Variants in MDN1 observed in about 807,000 individuals in gnomAD.
MDN1 encodes midasin AAA ATPase 1.
A neutral mutation model predicts 669.2 loss-of-function variants in MDN1; 266 were observed. The observed-to-expected ratio is 0.40, with a 90% confidence interval of 0.36 to 0.44. The LOEUF (loss-of-function observed/expected upper bound fraction) is 0.44. Ranked by LOEUF, MDN1 falls within the 20% of genes least tolerant of loss-of-function variation. MDN1 has a pLI of 1.00. For missense variants in MDN1, 5,940 were observed against 6,754.0 expected, an observed-to-expected ratio of 0.88 and a Z score of 4.22; for synonymous variants, 2,385 against 2,457.1, an observed-to-expected ratio of 0.97 and a Z score of 0.87.
chr6:89,653,926 G>C (rs1809064173), intron 93 of MDN1, among the ~76,000 whole-genome samples: 1 of 152,066 alleles, frequency 6.6e-6, no homozygotes, highest in Admixed American at 6.5e-5. Context: ...ATGAGATTTT[G>C]CCAGAAATTC....
rs780315645 is a variant in MDN1, at chr6:89,658,929, C to A, written c.14714-12G>T. 6.4e-6 allele frequency: 10 copies of A among 1,574,626 alleles called. No homozygotes were observed. Among genetic ancestry groups the A allele is most frequent in the South Asian group, 4.7e-5 (4 of 85,280 alleles). ...CAAAGGATTCTCTTCTGTATAGATACAACAAAAAGGAGGAGTGCAGAATTT... is the reference window on the plus strand; with the variant it reads ...CAAAGGATTCTCTTCTGTATAGATAAAACAAAAAGGAGGAGTGCAGAATTT... On this transcript the variant is annotated splice_polypyrimidine_tract_variant and intron_variant, in intron 88 of 101. Coordinates refer to ENST00000369393, the MANE Select transcript of MDN1 (RefSeq NM_014611.3).
intron 1 of MDN1, among the ~76,000 whole-genome samples, chr6:89,817,472 T>C (rs1245777034): frequency 5.3e-5 from 8 of 152,260 alleles, no homozygotes; most frequent in Admixed American, 5.2e-4. Flanking sequence ...AATCAGTTAG[T>C]TGAAACAAAG....
Position 89,662,107 on chromosome 6 carries a change from T to C in MDN1, c.14545A>G (p.Ile4849Val). 1.2e-6 allele frequency: 2 copies of C among 1,612,184 alleles called. No homozygotes were observed. Among genetic ancestry groups the C allele is most frequent in the South Asian group, 2.2e-5 (2 of 90,506 alleles). The change falls in exon 87 of 102, where the codon ATT becomes GTT. Residue 4849 changes from isoleucine to valine, a missense_variant. Transcript: ENST00000369393. ...ADDGGQGEDK[I>V]NEQIDERDYD... is the part of the protein sequence containing the mutation. Reference sequence around the variant, plus strand: ...ATTACCTCATCTATTTGTTCATTAATTTTGTCTTCACCTTGTCCACCATCA... The same window carrying C: ...ATTACCTCATCTATTTGTTCATTAACTTTGTCTTCACCTTGTCCACCATCA...
chr6:89,650,615 G>A, intron 96 of MDN1, 117 bp downstream of exon 96: 1 of 748,244 alleles, frequency 1.3e-6, no homozygotes, highest in South Asian at 1.8e-5. Flanking sequence ...TGCCTGTACG[G>A]CACAAGCGGC....
At chr6:89,645,677 C>CA (rs1808447992) in intron 100 of MDN1, among the ~76,000 whole-genome samples, 2 of 152,002 alleles carry the variant, frequency 1.3e-5, no homozygotes, top group Non-Finnish European at 2.9e-5. Context: ...CTTGTTTAAA[C>CA]AAAAACAAAT....
intron 26 of MDN1, among the ~76,000 whole-genome samples, chr6:89,749,002 T>C (rs551259422): frequency 6.6e-6 from 1 of 152,048 alleles, no homozygotes; most frequent in Non-Finnish European, 1.5e-5. Context: ...AGGTCAAGGC[T>C]GCAATGAGCT....
At chr6:89,758,163 G>C in intron 19 of MDN1, 92 bp downstream of exon 19, 1 of 990,692 alleles carries the variant, frequency 1.0e-6, no homozygotes, top group Non-Finnish European at 1.5e-6. Flanking sequence ...GGGACTTGCA[G>C]TGAGCCAAGA....
Position 89,715,789 on chromosome 6 carries a change from A to C in MDN1, c.6744-20T>G. 2.0e-6 allele frequency: 3 copies of C among 1,500,662 alleles called. No homozygotes were observed. The highest frequency in any genetic ancestry group is 1.9e-6 in the Non-Finnish European group (2 of 1,076,700). The allele number at this position is 1,500,662 out of a possible 1,614,324, so 93.0% of individuals were successfully genotyped here. A position where few individuals can be genotyped will look rare whatever the true frequency, so the allele number is the denominator to read the frequency against. On this transcript the variant is annotated intron_variant, in intron 44 of 101. Coordinates refer to ENST00000369393, the MANE Select transcript of MDN1 (RefSeq NM_014611.3). ...GATGGGCTGCAGAGACAGAATTCAG[A>C]TGGTGGATAGGCTGACATGCTGCAT...
At chr6:89,651,324 C>CAAAAAAA (rs57142164) in intron 95 of MDN1, among the ~76,000 whole-genome samples, 8 of 94,656 alleles carry the variant, frequency 8.5e-5, no homozygotes, top group African/African-American at 1.7e-4. Context: ...GATTCCGTCT[C>CAAAAAAA]AAAAAAAAAA....
At chr6:89,754,348 TC>T (rs1817120332) in intron 20 of MDN1, 118 bp from the exon 21 acceptor site, 1 of 953,454 alleles carries the variant, frequency 1.0e-6, no homozygotes, top group African/African-American at 1.7e-5. Context: ...GCACACAACT[TC>T]CTGGGGCATG....
intron 37 of MDN1, 103 bp from the exon 38 acceptor site, chr6:89,725,499 G>T: frequency 3.0e-6 from 3 of 1,010,092 alleles, no homozygotes; most frequent in Non-Finnish European, 4.4e-6. Flanking sequence ...GTTATCTTCA[G>T]AAAGGGAATT....
intron 1 of MDN1, among the ~76,000 whole-genome samples, chr6:89,815,857 G>A (rs1768789524): frequency 6.6e-6 from 1 of 152,052 alleles, no homozygotes; most frequent in Non-Finnish European, 1.5e-5. Context: ...TCTCATCCCT[G>A]CTTTCCCTAC....
intron 8 of MDN1, 21 bp downstream of exon 8, chr6:89,787,832 CA>C: frequency 6.3e-7 from 1 of 1,578,916 alleles, no homozygotes; most frequent in Non-Finnish European, 8.7e-7. Context: ...AGAGTGAAAA[CA>C]GAAAGGTTAC....
At chr6:89,714,153 G>T (rs1299724890) in intron 46 of MDN1, among the ~76,000 whole-genome samples, 1 of 151,762 alleles carries the variant, frequency 6.6e-6, no homozygotes, top group Non-Finnish European at 1.5e-5. Context: ...TTGTGTAATT[G>T]AAAGTTTAGA....
At chr6:89,670,155 TATATATATATA>T (rs1810576537) in intron 83 of MDN1, among the ~76,000 whole-genome samples, 1 of 23,106 alleles carries the variant, frequency 4.3e-5, no homozygotes. Context: ...TATATATATA[TATATATATATA>T]TATATTTTTT....
rs1184656385 is a variant in MDN1 at position 89,675,478 on chromosome 6, C to G, written c.12747G>C (p.Gln4249His). Reference protein sequence around the residue: ...QRRSLTTLSEQWIILRNLLSC... With the variant: ...QRRSLTTLSEHWIILRNLLSC... ...TCAGCTGATACCTGAGGATGATCCA[C>G]TGCTCACTGAGCGTGGTCAGGGAGC... Residue 4249 changes from glutamine to histidine, a missense_variant, in exon 78 of 102, where the codon CAG becomes CAC. By Grantham distance (24) the Gln-to-His change is conservative. Coordinates refer to ENST00000369393, the MANE Select transcript of MDN1 (RefSeq NM_014611.3). 1.2e-6 allele frequency: 2 copies of G among 1,613,308 alleles called. No homozygotes were observed. Among genetic ancestry groups the G allele is most frequent in the African/African-American group, 2.7e-5 (2 of 74,948 alleles).
At chr6:89,712,427 G>A (rs1277871130) in intron 48 of MDN1, 148 bp downstream of exon 48, 4 of 950,144 alleles carry the variant, frequency 4.2e-6, no homozygotes, top group African/African-American at 3.3e-5. Context: ...TCAATAGGGA[G>A]CAATATCACA....
chr6:89,664,606 C>A lies in MDN1; in HGVS notation c.14117G>T (p.Gly4706Val). ...AGGATCCTCTTTGTCTTTTTCTTGA[C>A]CCTTCTGAAATGTATCTTCCACCTA... ...EEQVEDTFQK[G>V]QEKDKEDPDS... Residue 4706 changes from glycine to valine, a missense_variant, in exon 85 of 102, where the codon GGT becomes GTT. This residue lies in a region of MDN1 where 2,280 missense variants were observed against 2,576.3 expected (regional missense o/e 0.88). Transcript: ENST00000369393. 1 of 1,611,878 alleles carries A rather than the reference C, an allele frequency of 6.2e-7. No homozygotes were observed. Among genetic ancestry groups the A allele is most frequent in the Non-Finnish European group, 8.5e-7 (1 of 1,178,142 alleles).
intron 15 of MDN1, among the ~76,000 whole-genome samples, chr6:89,770,146 C>A (rs1402285283): frequency 6.6e-6 from 1 of 151,910 alleles, no homozygotes; most frequent in Non-Finnish European, 1.5e-5. Flanking sequence ...TGGCTCACAC[C>A]TGTAATCCCA....
Sources: gnomAD v4.1 joint callset for allele counts (sites outside exome capture counted in the v4.1 genomes callset) on GRCh38, gnomAD v4.1.1 for gene constraint, gnomAD v4.1.1 regional missense constraint, MANE v1.5 for transcripts, NCBI Gene and HGNC (gene_info 2026-07-23, HGNC 2026-07-21) for gene names.